The following TECRL variants were observed in gnomAD, a reference collection of about 807,000 sequenced individuals.
TECRL encodes trans-2,3-enoyl-CoA reductase like.
A neutral mutation model predicts 52.8 loss-of-function variants in TECRL; 63 were observed. The observed-to-expected ratio is 1.19, with a 90% CI of 0.97 to 1.47. The LOEUF (loss-of-function observed/expected upper bound fraction) is 1.47. TECRL is among the 40% of genes most tolerant of loss of function. TECRL has a pLI of 0.00. For synonymous variants in TECRL, 164 were observed against 141.9 expected (o/e 1.16, Z -1.10); for missense variants, 482 against 429.6 (o/e 1.12, Z -1.08).
At chr4:64,381,026 A>G (rs1349493848) in intron 1 of TECRL, among the ~76,000 whole-genome samples, 1 of 152,096 alleles carries the variant, frequency 6.6e-6, no homozygotes, top group African/African-American at 2.4e-5. Context: ...CTTCTAATCC[A>G]TTAGCATCAG....
At chr4:64,289,124 A>C in intron 9 of TECRL, among the ~76,000 whole-genome samples, 1 of 152,206 alleles carries the variant, frequency 6.6e-6, no homozygotes, top group East Asian at 1.9e-4. Context: ...TGTTGATTAT[A>C]ATGGTTCCTA....
chr4:64,281,126 A>C, intron 10 of TECRL, 40 bp from the exon 11 acceptor site: 1 of 1,517,034 alleles, frequency 6.6e-7, no homozygotes, highest in Non-Finnish European at 9.1e-7. Flanking sequence ...ACATAAATGG[A>C]ATCTAGTAAT....
chr4:64,284,394 C>T (rs1261293048), intron 9 of TECRL, among the ~76,000 whole-genome samples: 8 of 152,012 alleles, frequency 5.3e-5, no homozygotes, highest in South Asian at 4.1e-4. Context: ...ACCCTCGTTT[C>T]GTGTTCTCAG....
At chr4:64,385,782 C>T (rs1723140006) in intron 1 of TECRL, among the ~76,000 whole-genome samples, 1 of 152,136 alleles carries the variant, frequency 6.6e-6, no homozygotes, top group Non-Finnish European at 1.5e-5. Flanking sequence ...GGACTCCAGG[C>T]AGCTCCTTAT....
intron 2 of TECRL, among the ~76,000 whole-genome samples, chr4:64,339,331 TGAATGACG>T (rs1466724926): frequency 6.7e-6 from 1 of 150,270 alleles, no homozygotes; most frequent in Non-Finnish European, 1.5e-5. Context: ...ATACCTAATG[TGAATGACG>T]TAAATGATGA....
intron 2 of TECRL, among the ~76,000 whole-genome samples, chr4:64,358,355 G>A (rs551549504): frequency 1.5e-4 from 22 of 151,678 alleles, no homozygotes; most frequent in African/African-American, 1.2e-4. Context: ...AATAATCATC[G>A]TATTGCCTTC....
intron 6 of TECRL, among the ~76,000 whole-genome samples, chr4:64,306,301 C>T (rs1442231161): frequency 6.6e-6 from 1 of 152,010 alleles, no homozygotes; most frequent in African/African-American, 2.4e-5. Context: ...AAACAGTTTC[C>T]CTTCATGGAG....
chr4:64,360,457 C>G (rs1206182769), intron 2 of TECRL, among the ~76,000 whole-genome samples: 2 of 151,960 alleles, frequency 1.3e-5, no homozygotes, highest in East Asian at 3.9e-4. Context: ...ACTTTAAAAT[C>G]AAGAGAACAT....
intron 1 of TECRL, among the ~76,000 whole-genome samples, chr4:64,378,283 A>G (rs1010848387): frequency 6.6e-6 from 1 of 152,086 alleles, no homozygotes; most frequent in Non-Finnish European, 1.5e-5. Flanking sequence ...AGAAGATTTT[A>G]GGCCAGACTT....
At chr4:64,381,910 T>C (rs1034521932) in intron 1 of TECRL, among the ~76,000 whole-genome samples, 42 of 152,056 alleles carry the variant, frequency 2.8e-4, no homozygotes, top group African/African-American at 9.4e-4. Flanking sequence ...GATGTGTGCA[T>C]GTGTGATCAT....
Position 64,278,677 on chromosome 4 carries a change from C to G in TECRL, c.*1395G>C, listed in dbSNP as rs1722669817. 1 of 152,058 alleles carries G rather than the reference C, an allele frequency of 6.6e-6. No homozygotes were observed. The highest frequency in any genetic ancestry group is 2.1e-4 in the South Asian group (1 of 4,832). 9.4% of individuals were successfully genotyped at this position (152,058 alleles called of 1,614,324 possible). ...ATATAATGTTCTTAACTATAGTCGT[C>G]CTACAGTGGTATAGAACACCAGAAA... On this transcript the variant is annotated 3_prime_UTR_variant, in exon 12 of 12. Transcript: ENST00000381210.
chr4:64,367,341 A>G (rs1721670753), intron 2 of TECRL, among the ~76,000 whole-genome samples: 1 of 152,118 alleles, frequency 6.6e-6, no homozygotes, highest in Non-Finnish European at 1.5e-5. Flanking sequence ...ACAACAAGCA[A>G]TTTACTCATG....
chr4:64,314,480 G>C (rs1717322278), intron 5 of TECRL, among the ~76,000 whole-genome samples, 168 bp downstream of exon 5: 1 of 151,998 alleles, frequency 6.6e-6, no homozygotes, highest in African/African-American at 2.4e-5. Flanking sequence ...CACTATGTGT[G>C]GTTATCTAAA....
chr4:64,280,233 CT>C (rs1384749988), intron 11 of TECRL, 34 bp from the exon 12 acceptor site: 2 of 1,296,456 alleles, frequency 1.5e-6, no homozygotes, highest in South Asian at 3.1e-5. Flanking sequence ...TTATTTCTTT[CT>C]TATTTCTATG....
At chr4:64,329,211 TTAAAA>T (rs1469901084) in intron 2 of TECRL, among the ~76,000 whole-genome samples, 1 of 151,950 alleles carries the variant, frequency 6.6e-6, no homozygotes, top group African/African-American at 2.4e-5. Context: ...TAACTTTATC[TTAAAA>T]TAAATTCTAT....
chr4:64,345,543 C>T (rs1170281170), intron 2 of TECRL, among the ~76,000 whole-genome samples: 3 of 106,222 alleles, frequency 2.8e-5, no homozygotes, highest in Non-Finnish European at 5.3e-5. Flanking sequence ...CACACCGGGG[C>T]CTGTTGTGGG....
At chr4:64,343,972 A>G (rs1318602022) in intron 2 of TECRL, among the ~76,000 whole-genome samples, 2 of 152,040 alleles carry the variant, frequency 1.3e-5, no homozygotes, top group Non-Finnish European at 2.9e-5. Flanking sequence ...AAAAAAATAA[A>G]TATTAATAGA....
chr4:64,297,731 A>C (rs573291249), intron 8 of TECRL, among the ~76,000 whole-genome samples: 29 of 151,332 alleles, frequency 1.9e-4, no homozygotes, highest in African/African-American at 6.7e-4. Context: ...TAGACTTTAA[A>C]TTGCAGAATA....
chr4:64,331,794 G>C (rs1044232168), intron 2 of TECRL, among the ~76,000 whole-genome samples: 2 of 152,012 alleles, frequency 1.3e-5, no homozygotes, highest in Non-Finnish European at 1.5e-5. Flanking sequence ...GAAAGGATGA[G>C]CCTGAAGAAC....
Sources: allele counts gnomAD v4.1 joint callset (sites outside exome capture counted in the v4.1 genomes callset), GRCh38; gene constraint gnomAD v4.1.1; transcripts MANE v1.5; gene names NCBI Gene and HGNC (gene_info 2026-07-23, HGNC 2026-07-21).